The following PDE11A variants were observed in gnomAD, a reference collection of about 807,000 sequenced individuals.
The protein encoded by PDE11A is phosphodiesterase 11A, also known as dual 3',5'-cyclic-AMP and -GMP phosphodiesterase 11A.
Under a neutral mutation model 100.5 loss-of-function variants are expected in PDE11A, and 100 were observed. The ratio of observed to expected loss-of-function variants is 1.00; its 90% CI spans 0.85 to 1.18. The LOEUF (loss-of-function observed/expected upper bound fraction) is 1.18. PDE11A is among the 50% of genes most tolerant of loss of function. The pLI is 0.00. For missense variants in PDE11A, 1,141 were observed against 1,152.6 expected, an observed-to-expected ratio of 0.99 and a Z score of 0.15; for synonymous variants, 381 against 420.8, an observed-to-expected ratio of 0.91 and a Z score of 1.16.
intron 5 of PDE11A, among the ~76,000 whole-genome samples, chr2:177,873,345 T>C (rs1383310526): frequency 6.6e-6 from 1 of 152,208 alleles, no homozygotes; most frequent in Non-Finnish European, 1.5e-5. Flanking sequence ...TCTATCGTAT[T>C]TCATGTTGTT....
rs544858460 is a variant in PDE11A at position 177,778,673 on chromosome 2, A to G, written c.1738-9300T>C. On this transcript the variant is annotated intron_variant, in intron 9 of 19. Transcript: ENST00000286063. Reference sequence around the variant, plus strand: ...ACAAACCACAAGGAATGAAAAGCCAATTTACTTGGAATAACCCGACAGAAG... The same window carrying G: ...ACAAACCACAAGGAATGAAAAGCCAGTTTACTTGGAATAACCCGACAGAAG... Among the ~76,000 whole-genome samples the G allele has an allele frequency of 2.6e-5, 4 of 152,342 alleles. No individual in the cohort carries two copies. The South Asian group carries it at 6.2e-4, about 24-fold the overall frequency.
At chr2:177,696,277 T>G (rs16865642) in intron 15 of PDE11A, among the ~76,000 whole-genome samples, 2,658 of 152,046 alleles carry the variant, frequency 0.017, 75 homozygotes, top group African/African-American at 0.06. Flanking sequence ...AACATAAATA[T>G]AGGTAACATA....
chr2:177,774,268 C>T (rs570026692), intron 9 of PDE11A, among the ~76,000 whole-genome samples: 2 of 152,198 alleles, frequency 1.3e-5, no homozygotes, highest in Non-Finnish European at 2.9e-5. Flanking sequence ...ATTGTGGTCA[C>T]ATAGGACTTT....
intron 5 of PDE11A, among the ~76,000 whole-genome samples, chr2:177,874,270 G>A (rs1479607100): frequency 6.6e-6 from 1 of 152,142 alleles, no homozygotes; most frequent in East Asian, 1.9e-4. Context: ...TGGGGGGAAT[G>A]CCTACTTCAA....
At chr2:178,104,755 T>C (rs544526741) in intron 1 of PDE11A, among the ~76,000 whole-genome samples, 1 of 152,328 alleles carries the variant, frequency 6.6e-6, no homozygotes, top group African/African-American at 2.4e-5. Context: ...TCAAACGGGT[T>C]TTACTTCAGC....
intron 19 of PDE11A, among the ~76,000 whole-genome samples, chr2:177,660,048 T>TCTCTTTCC (rs1491388480): frequency 0.05 from 489 of 9,720 alleles, 59 homozygotes; most frequent in East Asian, 0.29. Context: ...TCTTTCTTTC[T>TCTCTTTCC]TTCTTTCTTT....
intron 3 of PDE11A, among the ~76,000 whole-genome samples, chr2:177,899,801 G>A (rs965295807): frequency 1.3e-5 from 2 of 149,840 alleles, no homozygotes; most frequent in African/African-American, 2.4e-5. Flanking sequence ...ACATACATAT[G>A]TACCCTCCTT....
upstream of PDE11A, among the ~76,000 whole-genome samples, chr2:178,075,040 C>CAAATT (rs750836670): frequency 2.6e-5 from 4 of 152,022 alleles, no homozygotes; most frequent in Non-Finnish European, 4.4e-5. Flanking sequence ...AGAGCACACT[C>CAAATT]AAATTAAATT....
intron 9 of PDE11A, 21 bp downstream of exon 9, chr2:177,816,808 T>A: frequency 7.2e-7 from 1 of 1,392,586 alleles, no homozygotes; most frequent in Non-Finnish European, 1.0e-6. Flanking sequence ...CATACAAACC[T>A]GACATAAACA....
At chr2:177,694,048 G>C (rs1337966828) in intron 15 of PDE11A, among the ~76,000 whole-genome samples, 1 of 152,132 alleles carries the variant, frequency 6.6e-6, no homozygotes, top group Non-Finnish European at 1.5e-5. Flanking sequence ...TTAGAGAATG[G>C]GCAGCTATTC....
In PDE11A at chr2:177,625,834, T is replaced by A. The variant is rs2079824173; in HGVS notation, c.*3573A>T. ...TAAAAACGCCTGAAACCCGCAAGAG[T>A]TCAACCTCTAACCTCTGGGGTTGTT... On this transcript the variant is annotated 3_prime_UTR_variant, in exon 20 of 20. Transcript: ENST00000286063. 6.6e-6 allele frequency: 1 copy of A among 152,558 alleles called. No homozygotes were observed. The highest frequency in any genetic ancestry group is 1.5e-5 in the Non-Finnish European group (1 of 68,022). The allele number at this position is 152,558 out of a possible 1,614,324, so 9.5% of individuals were successfully genotyped here. A position where few individuals can be genotyped will look rare whatever the true frequency, so the allele number is the denominator to read the frequency against.
At chr2:177,853,714 T>TGTGTGTTTGTG (rs1558974124) in intron 5 of PDE11A, among the ~76,000 whole-genome samples, 11 of 16,284 alleles carry the variant, frequency 6.8e-4, no homozygotes, top group African/African-American at 1.9e-3. Flanking sequence ...GTGTGTGTGT[T>TGTGTGTTTGTG]TGTGTGTGTG....
Position 177,980,043 on chromosome 2 carries a change from T to C in PDE11A, c.1071+34259A>G, listed in dbSNP as rs971595283. On this transcript the variant is annotated intron_variant, in intron 2 of 19. Coordinates refer to ENST00000286063, the MANE Select transcript of PDE11A (RefSeq NM_016953.4). ...ATCTCTCTGAAGCAGTTGACAGTGC[T>C]GATAGCCCTCCTTCTTGAAACTCCT... Among the ~76,000 whole-genome samples the C allele has an allele frequency of 8.6e-5, 13 of 150,716 alleles. No individual in the cohort carries two copies. In the East Asian group the frequency reaches 2.5e-3, roughly 29 times the overall value.
intron 2 of PDE11A, among the ~76,000 whole-genome samples, chr2:177,913,537 T>C (rs2695727): frequency 0.97 from 148,237 of 152,222 alleles, 72,282 homozygotes; most frequent in Middle Eastern, 1. Flanking sequence ...CACTCCCTTC[T>C]CAAGGTACAA....
intron 16 of PDE11A, among the ~76,000 whole-genome samples, chr2:177,676,559 G>A (rs373518470): frequency 8.8e-4 from 116 of 131,484 alleles, no homozygotes; most frequent in African/African-American, 2.8e-3. Flanking sequence ...ACCCCTCCAG[G>A]GAACAAGGCA....
At chr2:177,829,215 C>T (rs79841939) in intron 6 of PDE11A, among the ~76,000 whole-genome samples, 261 of 151,576 alleles carry the variant, frequency 1.7e-3, no homozygotes, top group African/African-American at 6.0e-3. Flanking sequence ...GAGACTGTGG[C>T]CTGTGCTTTA....
chr2:177,915,983 T>C (rs1293112412), intron 2 of PDE11A, among the ~76,000 whole-genome samples: 2 of 152,236 alleles, frequency 1.3e-5, no homozygotes, highest in African/African-American at 4.8e-5. Flanking sequence ...TTGTGGCCTG[T>C]CTATGACATC....
intron 19 of PDE11A, among the ~76,000 whole-genome samples, chr2:177,657,949 A>T (rs1559129499): frequency 6.6e-6 from 1 of 152,186 alleles, no homozygotes; most frequent in Non-Finnish European, 1.5e-5. Flanking sequence ...AATCAGCTAG[A>T]ACTGGCCAGG....
chr2:177,756,445 T>C (rs1453576912), intron 10 of PDE11A, among the ~76,000 whole-genome samples: 1 of 152,242 alleles, frequency 6.6e-6, no homozygotes, highest in Non-Finnish European at 1.5e-5. Context: ...TTCTGAATTC[T>C]AAATCTTTTC....
Sources: gnomAD v4.1 joint callset for allele counts (sites outside exome capture counted in the v4.1 genomes callset) on GRCh38, gnomAD v4.1.1 for gene constraint, MANE v1.5 for transcripts, NCBI Gene and HGNC (gene_info 2026-07-23, HGNC 2026-07-21) for gene names.